Variants in ROBO2 observed in about 807,000 individuals in gnomAD.
The protein encoded by ROBO2 is roundabout guidance receptor 2.
A neutral mutation model predicts 160.8 loss-of-function variants in ROBO2; 53 were observed. That is an observed-to-expected ratio of 0.33 (90% CI 0.26 to 0.41). The LOEUF (loss-of-function observed/expected upper bound fraction) is 0.41. Among genes scored for constraint, ROBO2 ranks in the 10% least tolerant of loss-of-function variants. The pLI, the probability that ROBO2 is intolerant of heterozygous loss-of-function variation, is 1.00. For missense variants in ROBO2, 1,577 were observed against 1,722.4 expected (o/e 0.92, Z 1.49); for synonymous variants, 664 against 611.7 (o/e 1.09, Z -1.26).
intron 2 of ROBO2, among the ~76,000 whole-genome samples, chr3:77,159,308 C>T (rs1193930747): frequency 6.6e-6 from 1 of 152,136 alleles, no homozygotes; most frequent in Non-Finnish European, 1.5e-5. Context: ...TAGTTATTCC[C>T]ACTCCAATCT....
intron 2 of ROBO2, among the ~76,000 whole-genome samples, chr3:76,216,587 A>T (rs1224479519): frequency 3.9e-5 from 6 of 152,214 alleles, no homozygotes; most frequent in East Asian, 1.9e-4. Context: ...TGGTAAAGGG[A>T]TCAATTCAAC....
Position 76,873,157 on chromosome 3 carries a change from G to T in ROBO2, c.110-224857G>T, listed in dbSNP as rs554348495. On this transcript the variant is annotated intron_variant, in intron 2 of 26. Coordinates refer to the ROBO2 transcript ENST00000487694. ...TTAGTGCACATTAAACATTACAAAGGTTAATAAATGTCACATTACAATGGA... is the reference window on the plus strand; with the variant it reads ...TTAGTGCACATTAAACATTACAAAGTTTAATAAATGTCACATTACAATGGA... Among the ~76,000 whole-genome samples the T allele has an allele frequency of 2.6e-5, 4 of 152,102 alleles. No homozygotes were observed. In the East Asian group the frequency reaches 7.7e-4, roughly 29 times the overall value.
At chr3:77,014,103 A>G (rs147433872) in intron 2 of ROBO2, among the ~76,000 whole-genome samples, 1 of 151,454 alleles carries the variant, frequency 6.6e-6, no homozygotes, top group Non-Finnish European at 1.5e-5. Context: ...CTGTACAAAT[A>G]CTTTCAAAAT....
At chr3:76,367,899 A>T (rs2108453627) in intron 2 of ROBO2, among the ~76,000 whole-genome samples, 1 of 151,650 alleles carries the variant, frequency 6.6e-6, no homozygotes, top group Non-Finnish European at 1.5e-5. Context: ...ATACACAGTG[A>T]TATATATTTA....
chr3:77,521,235 C>G (rs1369476819), intron 5 of ROBO2, among the ~76,000 whole-genome samples: 3 of 151,146 alleles, frequency 2.0e-5, no homozygotes, highest in Non-Finnish European at 4.4e-5. Flanking sequence ...CTTACAAGCA[C>G]ATTAAGAGGC....
intron 2 of ROBO2, among the ~76,000 whole-genome samples, chr3:76,720,836 T>A (rs1324327504): frequency 6.6e-6 from 1 of 152,214 alleles, no homozygotes; most frequent in Non-Finnish European, 1.5e-5. Flanking sequence ...ATAATTCTAG[T>A]CATCAAGAGC....
At chr3:76,592,068 A>G (rs1560200757) in intron 2 of ROBO2, among the ~76,000 whole-genome samples, 2 of 152,074 alleles carry the variant, frequency 1.3e-5, no homozygotes, top group Admixed American at 6.6e-5. Flanking sequence ...TTTTTAGGAA[A>G]TATTTTCAAA....
At chr3:77,527,277 G>T in intron 6 of ROBO2, 126 bp from the exon 7 acceptor site, 1 of 527,768 alleles carries the variant, frequency 1.9e-6, no homozygotes, top group South Asian at 2.1e-5. Flanking sequence ...CTTGAATTGT[G>T]AGACTAGAAA....
At position 76,034,926 on chromosome 3, in the gene ROBO2, T is replaced by C. The variant is rs531048455; in HGVS notation, c.109+97324T>C. Among the ~76,000 whole-genome samples the C allele has an allele frequency of 9.3e-4, 142 of 152,210 alleles. 1 individual carries two copies. The South Asian group carries it at 0.026, about 28-fold the overall frequency. On this transcript the variant is annotated intron_variant, in intron 2 of 26. Coordinates refer to the ROBO2 transcript ENST00000487694. Reference sequence around the variant, plus strand: ...TAGTTCAGCGCTCTCTGTTGTATCTTCCTTTGGTCTCTGATTTCTTTTACT... The same window carrying C: ...TAGTTCAGCGCTCTCTGTTGTATCTCCCTTTGGTCTCTGATTTCTTTTACT...
At chr3:76,452,680 G>T (rs1293256419) in intron 2 of ROBO2, among the ~76,000 whole-genome samples, 1 of 152,104 alleles carries the variant, frequency 6.6e-6, no homozygotes, top group African/African-American at 2.4e-5. Context: ...AATCCTTTGG[G>T]TATATACTCA....
chr3:77,272,613 G>C (rs570248916), intron 2 of ROBO2, among the ~76,000 whole-genome samples: 18 of 152,248 alleles, frequency 1.2e-4, no homozygotes, highest in African/African-American at 3.8e-4. Context: ...TAAGCAAAAT[G>C]TAAAATTGTT....
At chr3:76,838,523 A>G (rs1276038657) in intron 2 of ROBO2, among the ~76,000 whole-genome samples, 2 of 152,062 alleles carry the variant, frequency 1.3e-5, no homozygotes, top group African/African-American at 2.4e-5. Context: ...GGGGTCATTG[A>G]GAATATTTGA....
At chr3:77,251,020 C>G (rs1317122388) in intron 2 of ROBO2, among the ~76,000 whole-genome samples, 2 of 152,098 alleles carry the variant, frequency 1.3e-5, no homozygotes, top group African/African-American at 4.8e-5. Context: ...ATGTCTGCAG[C>G]TTTCTCAGGC....
intron 2 of ROBO2, among the ~76,000 whole-genome samples, chr3:77,381,476 G>GGT (rs1220771095): frequency 6.6e-6 from 1 of 152,154 alleles, no homozygotes; most frequent in Non-Finnish European, 1.5e-5. Context: ...CACAATGCAA[G>GGT]ACGGTTTTTA....
chr3:76,198,859 C>T (rs1702384345), intron 2 of ROBO2, among the ~76,000 whole-genome samples: 1 of 152,080 alleles, frequency 6.6e-6, no homozygotes, highest in Non-Finnish European at 1.5e-5. Context: ...TTTGAGGTGT[C>T]CCACATTTCC....
intron 2 of ROBO2, among the ~76,000 whole-genome samples, chr3:76,773,359 A>G (rs2062036141): frequency 6.6e-6 from 1 of 150,878 alleles, no homozygotes; most frequent in Non-Finnish European, 1.5e-5. Flanking sequence ...AAGAGTGGTC[A>G]GTCAGTCATA....
intron 2 of ROBO2, among the ~76,000 whole-genome samples, chr3:76,702,777 G>A (rs2093074210): frequency 6.6e-6 from 1 of 151,796 alleles, no homozygotes; most frequent in South Asian, 2.1e-4. Flanking sequence ...AAGGGAGGAA[G>A]GAGATAAAAC....
At chr3:76,745,866 G>A (rs1241406759) in intron 2 of ROBO2, among the ~76,000 whole-genome samples, 1 of 146,696 alleles carries the variant, frequency 6.8e-6, no homozygotes, top group Non-Finnish European at 1.5e-5. Context: ...AAGTTTTAGG[G>A]TACATGTGCA....
chr3:76,649,731 T>C (rs910861481), intron 2 of ROBO2, among the ~76,000 whole-genome samples: 33 of 152,060 alleles, frequency 2.2e-4, no homozygotes, highest in African/African-American at 7.5e-4. Context: ...TGAAAACTAT[T>C]TTTGAAACAT....
Sources: gnomAD v4.1 joint callset for allele counts (sites outside exome capture counted in the v4.1 genomes callset) on GRCh38, gnomAD v4.1.1 for gene constraint, MANE v1.5 for transcripts, NCBI Gene and HGNC (gene_info 2026-07-23, HGNC 2026-07-21) for gene names.